Variants in KDM4C observed in about 807,000 individuals in gnomAD.
The protein encoded by KDM4C is lysine-specific demethylase 4C.
Under a neutral mutation model 129.3 loss-of-function variants are expected in KDM4C, and 81 were observed. The ratio of observed to expected loss-of-function variants is 0.63; its 90% CI spans 0.52 to 0.75. The LOEUF (loss-of-function observed/expected upper bound fraction) is 0.75, where lower values mean the gene tolerates loss of function less well. KDM4C is among the 30% of genes least tolerant of loss of function. The pLI, the probability that KDM4C is intolerant of heterozygous loss-of-function variation, is 0.00. For synonymous variants in KDM4C, 573 were observed against 456.1 expected, an observed-to-expected ratio of 1.26 and a Z score of -3.26; for missense variants, 1,457 against 1,304.0, an observed-to-expected ratio of 1.12 and a Z score of -1.81.
At chr9:6,773,375 G>C (rs1822305881) in intron 1 of KDM4C, among the ~76,000 whole-genome samples, 1 of 152,158 alleles carries the variant, frequency 6.6e-6, no homozygotes, top group African/African-American at 2.4e-5. Flanking sequence ...TTTAATGCCA[G>C]TGTCATTGTT....
At chr9:6,784,248 T>C (rs1824996729) in intron 1 of KDM4C, among the ~76,000 whole-genome samples, 1 of 152,138 alleles carries the variant, frequency 6.6e-6, no homozygotes, top group South Asian at 2.1e-4. Flanking sequence ...ACACAGCTAC[T>C]AAGTGGAGGA....
chr9:7,041,972 A>G (rs1587175267), intron 15 of KDM4C, among the ~76,000 whole-genome samples: 2 of 152,032 alleles, frequency 1.3e-5, no homozygotes, highest in East Asian at 1.9e-4. Flanking sequence ...TTGCACCTCA[A>G]GAGGATTATT....
In KDM4C at chr9:7,081,605, T is replaced by C. The variant is rs73407430; in HGVS notation, c.2425-22080T>C. ...CATTCCACTTTGAAGATGTTGGCAA[T>C]CATAAATGCCAGAATCACACCTGGC... On this transcript the variant is annotated intron_variant, in intron 17 of 21. Coordinates refer to ENST00000381309, the MANE Select transcript of KDM4C (RefSeq NM_015061.6). Among the ~76,000 whole-genome samples, 819 of 152,276 alleles carry C rather than the reference T, an allele frequency of 5.4e-3. 3 individuals carry two copies. The highest frequency in any genetic ancestry group is 0.015 in the African/African-American group (617 of 41,558).
chr9:6,835,032 C>A (rs775860839), intron 4 of KDM4C: 2 of 943,144 alleles, frequency 2.1e-6, no homozygotes, highest in East Asian at 4.8e-5. Flanking sequence ...AGATCCTTAC[C>A]GAGCGTGGCT....
At chr9:6,799,581 A>G (rs1828518689) in intron 2 of KDM4C, among the ~76,000 whole-genome samples, 1 of 133,198 alleles carries the variant, frequency 7.5e-6, no homozygotes, top group East Asian at 2.0e-4. Flanking sequence ...GAGGGATGAG[A>G]GGGAGACCGT....
intron 8 of KDM4C, among the ~76,000 whole-genome samples, chr9:6,904,811 G>C (rs770750118): frequency 7.9e-5 from 12 of 152,050 alleles, no homozygotes; most frequent in African/African-American, 2.7e-4. Context: ...AGTGAATTTG[G>C]AAGATACGAG....
In KDM4C at chr9:6,928,424, A is replaced by G. The variant is rs530458647; in HGVS notation, c.921+35192A>G. On this transcript the variant is annotated intron_variant, in intron 8 of 21. Coordinates refer to ENST00000381309, the MANE Select transcript of KDM4C (RefSeq NM_015061.6). Reference sequence around the variant, plus strand: ...TGTGCATGTATCTCTTGTCCAGAACAGGGCTGAGATATAGTAGGTGCTGCT... The same window carrying G: ...TGTGCATGTATCTCTTGTCCAGAACGGGGCTGAGATATAGTAGGTGCTGCT... 8.5e-5 allele frequency among the ~76,000 whole-genome samples: 13 copies of G among 152,334 alleles called. No homozygotes were observed. In the East Asian group the frequency reaches 2.5e-3, roughly 29 times the overall value.
At chr9:6,792,835 C>T (rs1412408742) in intron 1 of KDM4C, 137 bp from the exon 2 acceptor site, 14 of 860,364 alleles carry the variant, frequency 1.6e-5, no homozygotes. Context: ...GAGGGAGTCT[C>T]CCTGAGACTG....
intron 8 of KDM4C, among the ~76,000 whole-genome samples, chr9:6,944,657 T>TTTG (rs1554658799): frequency 1.4e-5 from 2 of 140,496 alleles, no homozygotes; most frequent in African/African-American, 2.6e-5. Context: ...TAGAGGTTTT[T>TTTG]TTTTTTTTTT....
intron 4 of KDM4C, among the ~76,000 whole-genome samples, chr9:6,840,245 G>A (rs1207745559): frequency 6.6e-6 from 1 of 151,570 alleles, no homozygotes; most frequent in African/African-American, 2.4e-5. Flanking sequence ...GCTAATTATT[G>A]TGTATTTTAT....
intron 8 of KDM4C, among the ~76,000 whole-genome samples, chr9:6,953,665 T>C (rs1828569477): frequency 6.6e-6 from 1 of 152,200 alleles, no homozygotes; most frequent in South Asian, 2.1e-4. Flanking sequence ...GTGGACCTTT[T>C]CTTGCTGATC....
At chr9:6,810,037 C>G (rs1327782465) in intron 3 of KDM4C, among the ~76,000 whole-genome samples, 1 of 133,804 alleles carries the variant, frequency 7.5e-6, no homozygotes, top group East Asian at 1.9e-4. Flanking sequence ...AACTTTAACT[C>G]TAAGAGGCAA....
intron 14 of KDM4C, 140 bp from the exon 15 acceptor site, chr9:7,015,713 C>G (rs900671737): frequency 2.2e-6 from 1 of 459,160 alleles, no homozygotes; most frequent in South Asian, 3.9e-5. Flanking sequence ...ATTCACCTTG[C>G]TTATGTTTTG....
chr9:6,734,984 C>G (rs1480575872), intron 1 of KDM4C: 4 of 565,268 alleles, frequency 7.1e-6, no homozygotes, highest in Non-Finnish European at 1.4e-5. Context: ...CAACCACACT[C>G]AAGTTGATAG....
intron 2 of KDM4C, among the ~76,000 whole-genome samples, chr9:6,797,266 C>G (rs7040107): frequency 0.031 from 4,642 of 152,196 alleles, 249 homozygotes; most frequent in African/African-American, 0.1. Context: ...GGATTACAGG[C>G]ATGAGCCACT....
chr9:6,736,424 GC>G (rs545052694), intron 1 of KDM4C, among the ~76,000 whole-genome samples: 412 of 152,234 alleles, frequency 2.7e-3, no homozygotes, highest in South Asian at 4.1e-3. Context: ...GGTTCTGTGG[GC>G]TGGGCCCAGA....
intron 4 of KDM4C, chr9:6,835,567 A>G (rs937175917): frequency 3.7e-6 from 4 of 1,082,654 alleles, no homozygotes; most frequent in African/African-American, 1.5e-5. Context: ...CCATCCTTCA[A>G]ATGCTTCTAG....
At chr9:6,959,698 T>C (rs1315678929) in intron 8 of KDM4C, among the ~76,000 whole-genome samples, 1 of 152,190 alleles carries the variant, frequency 6.6e-6, no homozygotes, top group Non-Finnish European at 1.5e-5. Flanking sequence ...TCATGGCATG[T>C]TAATTCTGTG....
chr9:6,850,060 C>T (rs1044223230), intron 5 of KDM4C, among the ~76,000 whole-genome samples: 2 of 152,198 alleles, frequency 1.3e-5, no homozygotes, highest in Non-Finnish European at 2.9e-5. Flanking sequence ...AAATTGCCTA[C>T]AATATTTAGT....
Sources: allele counts gnomAD v4.1 joint callset (sites outside exome capture counted in the v4.1 genomes callset), GRCh38; gene constraint gnomAD v4.1.1; transcripts MANE v1.5; gene names NCBI Gene and HGNC (gene_info 2026-07-23, HGNC 2026-07-21).